Variants in TRIM14 observed in about 807,000 individuals in gnomAD.
The protein encoded by TRIM14 is tripartite motif-containing protein 14.
A neutral mutation model predicts 44.5 loss-of-function variants in TRIM14; 28 were observed. That is an observed-to-expected ratio of 0.63 (90% CI 0.47 to 0.86). The LOEUF is 0.86. Ranked by LOEUF, TRIM14 falls within the 40% of genes least tolerant of loss-of-function variation. The probability of loss-of-function intolerance (pLI) is 0.00; values close to 1 mark genes in which losing one functional copy is unlikely to be tolerated. For synonymous variants in TRIM14, 299 were observed against 269.2 expected (o/e 1.11, Z -1.08); for missense variants, 607 against 611.1 (o/e 0.99, Z 0.07).
chr9:98,079,323 A>G (rs536878075), intron 6 of TRIM14, among the ~76,000 whole-genome samples: 1 of 152,328 alleles, frequency 6.6e-6, no homozygotes, highest in East Asian at 1.9e-4. Flanking sequence ...CTATTATAGT[A>G]ACATTAATGG....
chr9:98,040,388 T>C, the TRIM14 span, among the ~76,000 whole-genome samples: 1 of 152,082 alleles, frequency 6.6e-6, no homozygotes, highest in Non-Finnish European at 1.5e-5. Context: ...CTCATTCTCC[T>C]GGACTGCTCG....
downstream of TRIM14, chr9:98,081,419 A>C (rs1371686902): frequency 3.9e-6 from 1 of 255,080 alleles, no homozygotes; most frequent in Non-Finnish European, 7.5e-6. Flanking sequence ...GAATAAGTCA[A>C]GTCTGGGCTC....
Position 98,100,123 on chromosome 9 carries a change from G to GA in TRIM14, c.344dup (p.Thr116HisfsTer2), listed in dbSNP as rs746083579. On this transcript the variant is annotated frameshift_variant, in exon 3 of 6. Transcript: ENST00000341469. LOFTEE classifies it high-confidence loss of function. ...CGTCAAGTAGTAATCTGAGTTCAGT[G>GA]AATTTCCCCTTCAGCCAGGTTTTAC... 8.1e-6 allele frequency: 13 copies of GA among 1,614,154 alleles called. No individual in the cohort carries two copies. In the East Asian group the frequency reaches 2.9e-4, roughly 36 times the overall value.
downstream of TRIM14, chr9:98,082,203 T>C (rs963963943): frequency 2.0e-5 from 3 of 152,290 alleles, no homozygotes; most frequent in African/African-American, 7.2e-5. Flanking sequence ...GGGCTCCTTT[T>C]CTTGCCATCT....
chr9:98,088,916 T>TG (rs1825898000), intron 5 of TRIM14, among the ~76,000 whole-genome samples: 1 of 110,466 alleles, frequency 9.1e-6, no homozygotes, highest in Admixed American at 8.3e-5. Context: ...TGAAGTTTTT[T>TG]TTGTTGTTGT....
In TRIM14 at chr9:98,087,932, C is replaced by A. The variant is rs780784457; in HGVS notation, c.867G>T (p.Val289=). The A allele has an allele frequency of 1.3e-5, 21 of 1,565,988 alleles. No homozygotes were observed. Among genetic ancestry groups the A allele is most frequent in the African/African-American group, 4.2e-5 (3 of 70,954 alleles). Residue 289 remains valine (V), a synonymous_variant, in exon 6 of 6, where the codon GTG becomes GTT. Transcript: ENST00000341469. ...RLRLSADRLT[V]RCGLLGSLGP... ...CCAGGCTGCCCAGCAGGCCGCAGCG[C>A]ACCGTCAGGCGATCGGCGGACAGGC...
intron 2 of TRIM14, among the ~76,000 whole-genome samples, chr9:98,104,184 G>T (rs916829795): frequency 6.6e-6 from 1 of 152,166 alleles, no homozygotes; most frequent in Non-Finnish European, 1.5e-5. Context: ...GTTGCAATGG[G>T]TCAATGAGCC....
chr9:98,054,956 C>T, the TRIM14 span, among the ~76,000 whole-genome samples: 1 of 152,222 alleles, frequency 6.6e-6, no homozygotes, highest in Non-Finnish European at 1.5e-5. Flanking sequence ...TGCAGTCTGG[C>T]TGAGTTTTAT....
intron 4 of TRIM14, among the ~76,000 whole-genome samples, chr9:98,092,824 G>A (rs1002174096): frequency 1.3e-5 from 2 of 152,212 alleles, no homozygotes; most frequent in African/African-American, 2.4e-5. Context: ...TTTTCTGTAC[G>A]TCGCTTTCCT....
chr9:98,112,871 T>C (rs1348027218), intron 1 of TRIM14, among the ~76,000 whole-genome samples: 1 of 149,340 alleles, frequency 6.7e-6, no homozygotes, highest in Non-Finnish European at 1.5e-5. Flanking sequence ...CCCACCACTT[T>C]AGGAGGCCGA....
intron 2 of TRIM14, among the ~76,000 whole-genome samples, chr9:98,104,365 A>G (rs1826521654): frequency 6.6e-6 from 1 of 152,236 alleles, no homozygotes; most frequent in African/African-American, 2.4e-5. Flanking sequence ...AGCAGTTTTT[A>G]TAGATCCACT....
chr9:98,087,296 G>A lies in TRIM14; in HGVS notation c.*174C>T, dbSNP rs1825812582. The A allele has an allele frequency of 9.6e-7, 1 of 1,036,356 alleles. No individual in the cohort carries two copies. The highest frequency in any genetic ancestry group is 1.5e-6 in the Non-Finnish European group (1 of 652,988). The allele number at this position is 1,036,356 out of a possible 1,614,324, so 64.2% of individuals were successfully genotyped here. Reference sequence around the variant, plus strand: ...CTTGTTTAGGGCCTGTTTGAAACTAGCCTAGGAGAGGAAACCTTCAAAGCA... The same window carrying A: ...CTTGTTTAGGGCCTGTTTGAAACTAACCTAGGAGAGGAAACCTTCAAAGCA... On this transcript the variant is annotated 3_prime_UTR_variant, in exon 6 of 6. Transcript: ENST00000341469.
chr9:98,065,307 G>GGT (rs1829104922), downstream of TRIM14, among the ~76,000 whole-genome samples: 1 of 108,468 alleles, frequency 9.2e-6, no homozygotes, highest in African/African-American at 4.7e-5. Context: ...CACTCCTGGT[G>GGT]CTTTTTTTTT....
chr9:98,088,820 A>G (rs1234164682), intron 5 of TRIM14, among the ~76,000 whole-genome samples: 1 of 152,224 alleles, frequency 6.6e-6, no homozygotes, highest in Non-Finnish European at 1.5e-5. Context: ...TCTTTGATAC[A>G]TATTGCAAAA....
chr9:98,036,255 C>A, the TRIM14 span, among the ~76,000 whole-genome samples: 1 of 151,770 alleles, frequency 6.6e-6, no homozygotes, highest in Non-Finnish European at 1.5e-5. Flanking sequence ...AATGCCAGCA[C>A]TTTGGGAGGC....
At position 98,108,081 on chromosome 9, in the gene TRIM14, C is replaced by CTT. The variant is rs34246943; in HGVS notation, c.303+1806_303+1807dup. On this transcript the variant is annotated intron_variant, in intron 2 of 5. Coordinates refer to ENST00000341469, the MANE Select transcript of TRIM14 (RefSeq NM_014788.4). Reference sequence around the variant, plus strand: ...CATAAAACTATACACACATACCATCCTTTTTTTTTTTTTTTTTGGATAGTG... The same window carrying CTT: ...CATAAAACTATACACACATACCATCCTTTTTTTTTTTTTTTTTTTGGATAGTG... 7.7e-4 allele frequency among the ~76,000 whole-genome samples: 103 copies of CTT among 133,538 alleles called. 2 individuals are homozygous for CTT. Among genetic ancestry groups the CTT allele is most frequent in the East Asian group, 7.4e-3 (35 of 4,722 alleles). The allele number at this position is 133,538 out of a possible 152,430, so 87.6% of individuals were successfully genotyped here.
chr9:98,080,730 CG>C, downstream of TRIM14: 1 of 1,454,056 alleles, frequency 6.9e-7, no homozygotes. Flanking sequence ...GTGGCTAAAC[CG>C]GGGCTCAACC....
chr9:98,037,663 A>G, the TRIM14 span, among the ~76,000 whole-genome samples: 7 of 152,174 alleles, frequency 4.6e-5, no homozygotes, highest in Non-Finnish European at 1.0e-4. Context: ...AAAATTAGGC[A>G]GGAGTCCTAA....
At chr9:98,102,038 A>G (rs1023335760) in intron 2 of TRIM14, among the ~76,000 whole-genome samples, 3 of 151,918 alleles carry the variant, frequency 2.0e-5, no homozygotes. Context: ...AAAGAAAAAA[A>G]CATTGAAAAA....
Sources: allele counts gnomAD v4.1 joint callset (sites outside exome capture counted in the v4.1 genomes callset), GRCh38; gene constraint gnomAD v4.1.1; transcripts MANE v1.5; gene names NCBI Gene and HGNC (gene_info 2026-07-23, HGNC 2026-07-21).